The following ATP10A variants were observed in gnomAD, a reference collection of about 807,000 sequenced individuals.
ATP10A encodes the protein phospholipid-transporting ATPase VA.
In ATP10A, 111 loss-of-function variants were observed where a neutral mutation model predicts 147.8. The ratio of observed to expected loss-of-function variants is 0.75; its 90% confidence interval spans 0.64 to 0.88. The LOEUF (loss-of-function observed/expected upper bound fraction) is 0.88. ATP10A is among the 40% of genes least tolerant of loss of function. The probability of loss-of-function intolerance (pLI) is 0.00; values close to 1 mark genes in which losing one functional copy is unlikely to be tolerated. For missense variants in ATP10A, 1,927 were observed against 1,959.0 expected, an observed-to-expected ratio of 0.98 and a Z score of 0.31; for synonymous variants, 875 against 841.6, an observed-to-expected ratio of 1.04 and a Z score of -0.69.
At chr15:25,691,186 A>G (rs944798617) in intron 15 of ATP10A, among the ~76,000 whole-genome samples, 2 of 152,190 alleles carry the variant, frequency 1.3e-5, no homozygotes, top group Admixed American at 1.3e-4. Context: ...ACTAAATCCA[A>G]AAGCAGCACA....
intron 13 of ATP10A, 95 bp downstream of exon 13, chr15:25,701,821 A>G (rs778205371): frequency 1.7e-5 from 21 of 1,247,246 alleles, no homozygotes; most frequent in Non-Finnish European, 2.2e-5. Context: ...TCCTTCTAAC[A>G]GCAGCTGCCA....
intron 15 of ATP10A, among the ~76,000 whole-genome samples, chr15:25,691,504 T>A (rs1900033093): frequency 2.0e-5 from 3 of 152,236 alleles, no homozygotes; most frequent in Admixed American, 1.3e-4. Context: ...GACATGCTTA[T>A]TGCACACTGC....
chr15:25,714,344 A>G (rs76425549), intron 9 of ATP10A, 103 bp from the exon 10 acceptor site: 13,093 of 1,062,612 alleles, frequency 0.012, 115 homozygotes, highest in Non-Finnish European at 0.015. Flanking sequence ...AGGAACAATG[A>G]CCTCGCTTCC....
At chr15:25,791,084 GT>G (rs66598588) in intron 1 of ATP10A, among the ~76,000 whole-genome samples, 2,072 of 129,554 alleles carry the variant, frequency 0.016, 36 homozygotes, top group African/African-American at 0.046. Flanking sequence ...CCCTGCAAGT[GT>G]TTTTTTTTTT....
In ATP10A at chr15:25,687,064, C is replaced by T. The variant is rs1257598406; in HGVS notation, c.3291+639G>A. On this transcript the variant is annotated intron_variant, in intron 16 of 20. Coordinates refer to ENST00000555815, the MANE Select transcript of ATP10A (RefSeq NM_024490.4). ...GGTGGGAAGGCCCGAAGGGCACCCC[C>T]TTCCTGCTGGGTCTGAGCCTCCCTG... is the stretch of plus-strand genomic sequence containing the variant. 4.6e-5 allele frequency among the ~76,000 whole-genome samples: 5 copies of T among 107,768 alleles called. 2 individuals are homozygous for T. The highest frequency in any genetic ancestry group is 1.9e-4 in the African/African-American group (3 of 15,518). 70.7% of individuals were successfully genotyped at this position (107,768 alleles called of 152,430 possible).
rs181465965 is a variant in ATP10A at position 25,682,553 on chromosome 15, G to A, written c.3492+733C>T. ...CAGCGTCTTTGTCCCACAGGTGGCC[G>A]AGGAGGCTGAGGCCTGGCCAAGGAT... On this transcript the variant is annotated intron_variant, in intron 17 of 20. Coordinates refer to ENST00000555815, the MANE Select transcript of ATP10A (RefSeq NM_024490.4). Among the ~76,000 whole-genome samples, 318 of 152,198 alleles carry A rather than the reference G, an allele frequency of 2.1e-3. 4 individuals carry two copies. Among genetic ancestry groups the A allele is most frequent in the African/African-American group, 7.4e-3 (308 of 41,544 alleles).
At chr15:25,734,567 G>A (rs1596784849) in intron 3 of ATP10A, among the ~76,000 whole-genome samples, 1 of 152,298 alleles carries the variant, frequency 6.6e-6, no homozygotes, top group Non-Finnish European at 1.5e-5. Context: ...AAGGGATCAA[G>A]GAGGCCTGGG....
chr15:25,711,495 G>T (rs374125712), intron 10 of ATP10A, among the ~76,000 whole-genome samples: 1 of 152,044 alleles, frequency 6.6e-6, no homozygotes, highest in African/African-American at 2.4e-5. Context: ...TCCTGTAGTC[G>T]TTCTCTTGGG....
At chr15:25,735,946 C>A in intron 3 of ATP10A, 110 bp downstream of exon 3, 1 of 996,466 alleles carries the variant, frequency 1.0e-6, no homozygotes, top group Non-Finnish European at 1.6e-6. Flanking sequence ...AACAGCTACA[C>A]CATGTGGCAA....
intron 1 of ATP10A, among the ~76,000 whole-genome samples, chr15:25,805,475 C>A (rs1177282261): frequency 6.6e-6 from 1 of 152,226 alleles, no homozygotes; most frequent in Non-Finnish European, 1.5e-5. Flanking sequence ...TTTGTGCTAT[C>A]TCTGAGTGAG....
chr15:25,727,652 C>T (rs1276469899), intron 3 of ATP10A, among the ~76,000 whole-genome samples: 3 of 152,212 alleles, frequency 2.0e-5, no homozygotes, highest in African/African-American at 4.8e-5. Context: ...TACTCCTAAT[C>T]AGTCTCAAGT....
At chr15:25,862,245 G>T in intron 1 of ATP10A, 1 of 474,174 alleles carries the variant, frequency 2.1e-6, no homozygotes, top group Non-Finnish European at 4.2e-6. Context: ...CGGCTGTTCA[G>T]AGACCACTGT....
intron 1 of ATP10A, among the ~76,000 whole-genome samples, chr15:25,788,349 C>A (rs1176631230): frequency 6.6e-6 from 1 of 152,234 alleles, no homozygotes; most frequent in Non-Finnish European, 1.5e-5. Flanking sequence ...GAAGCCTGGA[C>A]TCTGAGTGCC....
chr15:25,680,360 CAAT>C, intron 19 of ATP10A, 52 bp from the exon 20 acceptor site: 1 of 1,565,358 alleles, frequency 6.4e-7, no homozygotes. Flanking sequence ...AAAGTGACAA[CAAT>C]GACAATAACA....
At chr15:25,777,800 T>A in intron 2 of ATP10A, among the ~76,000 whole-genome samples, 1 of 139,756 alleles carries the variant, frequency 7.2e-6, no homozygotes, top group South Asian at 2.3e-4. Context: ...TTTTTTGAGA[T>A]GGGGTTTCTC....
At chr15:25,781,306 G>T in intron 1 of ATP10A, 83 bp from the exon 2 acceptor site, 2 of 1,178,080 alleles carry the variant, frequency 1.7e-6, no homozygotes, top group Non-Finnish European at 2.4e-6. Context: ...GGGCTCATAT[G>T]GCAATTCTTT....
intron 1 of ATP10A, among the ~76,000 whole-genome samples, chr15:25,816,828 G>C (rs1356129172): frequency 6.6e-6 from 1 of 152,038 alleles, no homozygotes; most frequent in Non-Finnish European, 1.5e-5. Flanking sequence ...CTCCTTGTTA[G>C]GGAAAGAAGA....
chr15:25,809,548 T>C (rs1891339417), intron 1 of ATP10A, among the ~76,000 whole-genome samples: 1 of 152,234 alleles, frequency 6.6e-6, no homozygotes, highest in Non-Finnish European at 1.5e-5. Flanking sequence ...ATATTCTTTT[T>C]GTAAAGCCTA....
At chr15:25,693,686 T>C (rs2140316364) in intron 14 of ATP10A, among the ~76,000 whole-genome samples, 2 of 152,322 alleles carry the variant, frequency 1.3e-5, no homozygotes, top group Middle Eastern at 6.8e-3. Flanking sequence ...GGACAGGCCA[T>C]GGCTGTTAGG....
Sources: gnomAD v4.1 joint callset for allele counts (sites outside exome capture counted in the v4.1 genomes callset) on GRCh38, gnomAD v4.1.1 for gene constraint, MANE v1.5 for transcripts, NCBI Gene and HGNC (gene_info 2026-07-23, HGNC 2026-07-21) for gene names.